Variants in FOXP2 observed in about 807,000 individuals in gnomAD.
FOXP2 encodes the protein forkhead box protein P2.
FOXP2 carries 12 observed loss-of-function variants against 115.8 expected under a neutral mutation model. That is an observed-to-expected ratio of 0.10 (90% CI 0.07 to 0.17). FOXP2 has a LOEUF of 0.17. Ranked by LOEUF, FOXP2 falls within the 10% of genes least tolerant of loss-of-function variation. FOXP2 has a pLI of 1.00. For synonymous variants in FOXP2, 328 were observed against 297.7 expected, an observed-to-expected ratio of 1.10 and a Z score of -1.05; for missense variants, 629 against 843.5, an observed-to-expected ratio of 0.75 and a Z score of 3.15.
At chr7:114,486,737 C>T (rs919592717) in intron 2 of FOXP2, among the ~76,000 whole-genome samples, 6 of 152,172 alleles carry the variant, frequency 3.9e-5, no homozygotes, top group Admixed American at 6.5e-5. Context: ...GCCATGCAGG[C>T]CCCATGCAAG....
At chr7:114,399,943 G>GCC (rs113341106) in intron 2 of FOXP2, among the ~76,000 whole-genome samples, 8 of 148,416 alleles carry the variant, frequency 5.4e-5, no homozygotes, top group African/African-American at 9.9e-5. Context: ...TGCAACCTCC[G>GCC]CCCCCCGAGT....
intron 1 of FOXP2, among the ~76,000 whole-genome samples, chr7:114,217,567 G>A (rs1399590123): frequency 6.6e-6 from 1 of 152,066 alleles, no homozygotes; most frequent in Non-Finnish European, 1.5e-5. Context: ...AGGTTGTCTG[G>A]TAGTTGTGTA....
At chr7:114,220,334 A>G (rs1794590602) in intron 1 of FOXP2, among the ~76,000 whole-genome samples, 1 of 152,208 alleles carries the variant, frequency 6.6e-6, no homozygotes, top group Non-Finnish European at 1.5e-5. Context: ...TAAGCCTACA[A>G]CATTACATAT....
intron 1 of FOXP2, among the ~76,000 whole-genome samples, chr7:114,287,770 G>T (rs1796503250): frequency 6.6e-6 from 1 of 151,926 alleles, no homozygotes; most frequent in Admixed American, 6.6e-5. Flanking sequence ...TCTCTTGGAA[G>T]TGCATCTTAT....
intron 2 of FOXP2, among the ~76,000 whole-genome samples, chr7:114,395,491 A>G (rs1485079902): frequency 6.6e-6 from 1 of 152,134 alleles, no homozygotes; most frequent in African/African-American, 2.4e-5. Context: ...AAGGAAATAC[A>G]TGGAGCCTAG....
At chr7:114,499,092 A>C (rs1797450726) in intron 2 of FOXP2, 1 of 548,696 alleles carries the variant, frequency 1.8e-6, no homozygotes, top group East Asian at 3.0e-5. Flanking sequence ...ATTACCCTGC[A>C]GGTAATTCTG....
At chr7:114,431,800 A>G (rs1049131094) in intron 2 of FOXP2, among the ~76,000 whole-genome samples, 1 of 151,974 alleles carries the variant, frequency 6.6e-6, no homozygotes, top group African/African-American at 2.4e-5. Context: ...CCTACCCCTA[A>G]TTCTCAGAGA....
chr7:114,324,575 C>T lies in FOXP2; in HGVS notation c.-11+36466C>T, dbSNP rs577721053. Among the ~76,000 whole-genome samples, 328 of 151,908 alleles carry T rather than the reference C, an allele frequency of 2.2e-3. 4 individuals carry two copies. Among genetic ancestry groups the T allele is most frequent in the African/African-American group, 7.7e-3 (321 of 41,508 alleles). ...CCATTCTTTCCCTTTTCTCTAGTTG[C>T]ATATGACATGTGCCTGTCTTCAACA... is the stretch of plus-strand genomic sequence containing the variant. On this transcript the variant is annotated intron_variant, in intron 2 of 17. Transcript: ENST00000634411.
At chr7:114,271,532 T>C (rs1280370884) in intron 1 of FOXP2, among the ~76,000 whole-genome samples, 2 of 129,580 alleles carry the variant, frequency 1.5e-5, no homozygotes, top group East Asian at 4.1e-4. Flanking sequence ...ATAATTATTA[T>C]ATTATTATAA....
At chr7:114,344,453 A>G (rs1219770746) in intron 2 of FOXP2, among the ~76,000 whole-genome samples, 2 of 151,806 alleles carry the variant, frequency 1.3e-5, no homozygotes, top group African/African-American at 2.4e-5. Context: ...GGTGTGATAC[A>G]CGTTTACTCT....
chr7:114,632,127 A>G (rs1804955045), intron 6 of FOXP2, among the ~76,000 whole-genome samples: 1 of 152,218 alleles, frequency 6.6e-6, no homozygotes, highest in South Asian at 2.1e-4. Context: ...TAATCTTCAC[A>G]CTGAAATCAC....
chr7:114,453,775 C>T (rs932275863), intron 2 of FOXP2, among the ~76,000 whole-genome samples: 2 of 152,064 alleles, frequency 1.3e-5, no homozygotes, highest in African/African-American at 4.8e-5. Context: ...GGAAAGGATT[C>T]CCTATTTAAT....
intron 2 of FOXP2, among the ~76,000 whole-genome samples, chr7:114,404,603 A>G (rs1002719426): frequency 4.6e-5 from 7 of 152,092 alleles, no homozygotes; most frequent in African/African-American, 1.7e-4. Context: ...AAAAATCAAA[A>G]TCGCCTTTTT....
intron 16 of FOXP2, among the ~76,000 whole-genome samples, chr7:114,684,006 T>C (rs1775347709): frequency 2.0e-5 from 3 of 152,114 alleles, no homozygotes; most frequent in Admixed American, 2.0e-4. Context: ...GAGACTACAA[T>C]AGAACATACC....
At chr7:114,658,995 G>C (rs1334769540) in intron 11 of FOXP2, among the ~76,000 whole-genome samples, 2 of 152,158 alleles carry the variant, frequency 1.3e-5, no homozygotes, top group Admixed American at 1.3e-4. Context: ...AGGTGAGCCT[G>C]TTGTACTTTA....
chr7:114,592,049 G>T (rs533980123), intron 3 of FOXP2, among the ~76,000 whole-genome samples: 1 of 151,992 alleles, frequency 6.6e-6, no homozygotes, highest in Non-Finnish European at 1.5e-5. Context: ...AATACCTGAC[G>T]CACTATTTCT....
At chr7:114,287,370 C>T (rs989135349) in intron 1 of FOXP2, among the ~76,000 whole-genome samples, 2 of 151,928 alleles carry the variant, frequency 1.3e-5, no homozygotes, top group African/African-American at 4.8e-5. Context: ...CTATATAGTA[C>T]TAAGTTCTAT....
At chr7:114,203,669 A>T (rs2129160126) in intron 1 of FOXP2, among the ~76,000 whole-genome samples, 1 of 152,256 alleles carries the variant, frequency 6.6e-6, no homozygotes, top group African/African-American at 2.4e-5. Context: ...TTTTGAATAA[A>T]GGCCAAATGC....
intron 1 of FOXP2, among the ~76,000 whole-genome samples, chr7:114,093,995 A>G (rs1020206252): frequency 4.6e-5 from 7 of 152,184 alleles, no homozygotes; most frequent in Non-Finnish European, 8.8e-5. Flanking sequence ...TGGGTAAACT[A>G]TGAATACAGC....
Sources: allele counts gnomAD v4.1 joint callset (sites outside exome capture counted in the v4.1 genomes callset), GRCh38; gene constraint gnomAD v4.1.1; transcripts MANE v1.5; gene names NCBI Gene and HGNC (gene_info 2026-07-23, HGNC 2026-07-21).